Variants in CCNA1 observed in about 807,000 individuals in gnomAD.
CCNA1 encodes cyclin A1, also known as cyclin-A1.
A neutral mutation model predicts 54.1 loss-of-function variants in CCNA1; 23 were observed. The observed-to-expected ratio is 0.42, with a 90% confidence interval of 0.31 to 0.60. The LOEUF is 0.60. CCNA1 is among the 20% of genes least tolerant of loss of function. CCNA1 has a pLI of 0.14. For missense variants in CCNA1, 450 were observed against 556.7 expected, an observed-to-expected ratio of 0.81 and a Z score of 1.93; for synonymous variants, 208 against 213.9, an observed-to-expected ratio of 0.97 and a Z score of 0.24.
At chr13:36,434,484 C>T (rs775852551) in intron 2 of CCNA1, among the ~76,000 whole-genome samples, 3 of 152,222 alleles carry the variant, frequency 2.0e-5, no homozygotes, top group East Asian at 1.9e-4. Flanking sequence ...TAAAACTTAA[C>T]GCCTGAGACT....
At position 36,437,611 on chromosome 13, in the gene CCNA1, G is replaced by T; in HGVS notation, c.298-18G>T. 1 of 1,612,430 alleles carries T rather than the reference G, an allele frequency of 6.2e-7. No individual in the cohort carries two copies. Among genetic ancestry groups the T allele is most frequent in the Non-Finnish European group, 8.5e-7 (1 of 1,179,294 alleles). On this transcript the variant is annotated intron_variant, in intron 2 of 8. Transcript: ENST00000255465. ...GTCTTTGACGTGGCCTCTAACAAAA[G>T]ATTTAAACGTTTTTTAGGGGATCAC...
Position 36,433,419 on chromosome 13 carries a change from T to G in CCNA1, c.297+198T>G, listed in dbSNP as rs71423153. Among the ~76,000 whole-genome samples the G allele has an allele frequency of 5.1e-3, 609 of 119,366 alleles. 15 individuals are homozygous for G. Among genetic ancestry groups the G allele is most frequent in the African/African-American group, 0.019 (575 of 29,584 alleles). 78.3% of individuals were successfully genotyped at this position (119,366 alleles called of 152,430 possible). A position where few individuals can be genotyped will look rare whatever the true frequency, so the allele number is the denominator to read the frequency against. Reference sequence around the variant, plus strand: ...CTTTCTTTCTTTCTTTCTTTCTTTCTTTCTTTCTTTCTTTCTTTCTTTCGT... The same window carrying G: ...CTTTCTTTCTTTCTTTCTTTCTTTCGTTCTTTCTTTCTTTCTTTCTTTCGT... On this transcript the variant is annotated intron_variant, in intron 2 of 8. Transcript: ENST00000255465.
intron 2 of CCNA1, among the ~76,000 whole-genome samples, chr13:36,436,480 G>A (rs1448832162): frequency 6.6e-6 from 1 of 152,178 alleles, no homozygotes; most frequent in African/African-American, 2.4e-5. Context: ...TTCTGGGCAC[G>A]AGAAAAGCTT....
At chr13:36,433,574 T>C (rs1429384862) in intron 2 of CCNA1, among the ~76,000 whole-genome samples, 2 of 144,674 alleles carry the variant, frequency 1.4e-5, no homozygotes, top group Non-Finnish European at 3.0e-5. Flanking sequence ...GGAGTTTCGC[T>C]CTTGTCGCCA....
At position 36,437,870 on chromosome 13, in the gene CCNA1, A is replaced by C; in HGVS notation, c.539A>C (p.Asn180Thr). ...GACCTGCACTTCCTGCTGGATTTCA[A>C]CACAGGTAACTGACTTGCCTATGGT... The change falls in exon 3 of 9, where the codon AAC (asparagine) becomes ACC (threonine). Residue 180 changes from asparagine to threonine, a missense_variant. Physicochemically the swap from Asn to Thr is moderately conservative, Grantham distance 65 (BLOSUM62 0). Coordinates refer to ENST00000255465, the MANE Select transcript of CCNA1 (RefSeq NM_003914.4). 6.2e-7 allele frequency: 1 copy of C among 1,613,260 alleles called. No individual in the cohort carries two copies. The highest frequency in any genetic ancestry group is 1.1e-5 in the South Asian group (1 of 90,970).
chr13:36,438,521 T>C, intron 4 of CCNA1, 123 bp from the exon 5 acceptor site: 1 of 713,750 alleles, frequency 1.4e-6, no homozygotes, highest in Admixed American at 2.9e-5. Context: ...ATGATAAAGA[T>C]TTATTTGGCT....
chr13:36,435,527 C>T (rs907852437), intron 2 of CCNA1, among the ~76,000 whole-genome samples: 3 of 152,200 alleles, frequency 2.0e-5, no homozygotes, highest in Admixed American at 6.5e-5. Context: ...TCTCATTCAG[C>T]TTGTAGAACA....
At chr13:36,432,878 A>G in intron 1 of CCNA1, 149 bp downstream of exon 1, 1 of 958,632 alleles carries the variant, frequency 1.0e-6, no homozygotes, top group South Asian at 1.5e-5. Flanking sequence ...GTGCGGTCGC[A>G]CCTGCCCTTT....
At position 36,437,705 on chromosome 13, in the gene CCNA1, G is replaced by A. The variant is rs1691587855; in HGVS notation, c.374G>A (p.Cys125Tyr). The A allele has an allele frequency of 1.9e-6, 3 of 1,613,774 alleles. No homozygotes were observed. The highest frequency in any genetic ancestry group is 3.3e-5 in the Admixed American group (2 of 59,998). The change falls in exon 3 of 9, where the codon TGT (cysteine) becomes TAT (tyrosine). Residue 125 changes from cysteine (C) to tyrosine (Y), a missense_variant. Transcript: ENST00000255465. ...GCTGGAAAGAAAGCACTCCCTGACTGTGGGGTCCAAGAGCCCCCCAAGCAA... is the reference window on the plus strand; with the variant it reads ...GCTGGAAAGAAAGCACTCCCTGACTATGGGGTCCAAGAGCCCCCCAAGCAA...
chr13:36,431,850 G>A (rs1244771984), upstream of CCNA1: 1 of 152,674 alleles, frequency 6.5e-6, no homozygotes, highest in Non-Finnish European at 1.5e-5. Context: ...GCGCAGCCCC[G>A]AGGACCCCGC....
chr13:36,433,295 C>G (rs895390273), intron 2 of CCNA1, 74 bp downstream of exon 2: 3 of 1,245,734 alleles, frequency 2.4e-6, no homozygotes, highest in Non-Finnish European at 3.4e-6. Flanking sequence ...GTGCTTTTCT[C>G]TTGCCCTTGT....
At chr13:36,439,205 A>T (rs919020511) in intron 5 of CCNA1, among the ~76,000 whole-genome samples, 6 of 152,358 alleles carry the variant, frequency 3.9e-5, no homozygotes, top group African/African-American at 1.4e-4. Context: ...GTGTGGTTAC[A>T]AAAAGCTATC....
chr13:36,441,501 G>C (rs17053960), intron 7 of CCNA1, among the ~76,000 whole-genome samples: 1 of 152,120 alleles, frequency 6.6e-6, no homozygotes, highest in Non-Finnish European at 1.5e-5. Context: ...ATTCAGGGAG[G>C]GCCCTTGAGG....
chr13:36,433,560 A>G (rs141626168), intron 2 of CCNA1, among the ~76,000 whole-genome samples: 19 of 79,072 alleles, frequency 2.4e-4, no homozygotes, highest in Admixed American at 3.5e-4. Flanking sequence ...TTTTTTTTTG[A>G]GACGGAGTTT....
At chr13:36,433,463 C>G (rs1198382918) in intron 2 of CCNA1, among the ~76,000 whole-genome samples, 4 of 116,394 alleles carry the variant, frequency 3.4e-5, no homozygotes, top group African/African-American at 1.3e-4. Context: ...TCTTTCTTTT[C>G]TTTCTCTTTC....
chr13:36,441,366 G>T lies in CCNA1; in HGVS notation c.1212+135G>T, dbSNP rs527884277. The T allele has an allele frequency of 2.9e-5, 17 of 581,194 alleles. 1 individual carries two copies. The highest frequency in any genetic ancestry group is 2.8e-4 in the African/African-American group (15 of 53,404). 36.0% of individuals were successfully genotyped at this position (581,194 alleles called of 1,614,324 possible). ...CACAACATGCCACTGAGTCTTCCAG[G>T]TCAGTCATGATGGCTTTGACTCAAT... On this transcript the variant is annotated intron_variant, in intron 7 of 8. Coordinates refer to ENST00000255465, the MANE Select transcript of CCNA1 (RefSeq NM_003914.4).
chr13:36,433,418 CTTT>C lies in CCNA1; in HGVS notation c.297+198_297+200del, dbSNP rs1197837448. 3.3e-5 allele frequency among the ~76,000 whole-genome samples: 4 copies of C among 119,616 alleles called. 1 individual carries two copies. The highest frequency in any genetic ancestry group is 1.3e-4 in the African/African-American group (4 of 30,758). The allele number at this position is 119,616 out of a possible 152,430, so 78.5% of individuals were successfully genotyped here. Reference sequence around the variant, plus strand: ...TCTTTCTTTCTTTCTTTCTTTCTTTCTTTCTTTCTTTCTTTCTTTCTTTCGTTC... The same window carrying C: ...TCTTTCTTTCTTTCTTTCTTTCTTTCCTTTCTTTCTTTCTTTCTTTCGTTC... On this transcript the variant is annotated intron_variant, in intron 2 of 8. Transcript: ENST00000255465.
At chr13:36,433,383 TTTCTTTCTTTC>T (rs2055745965) in intron 2 of CCNA1, among the ~76,000 whole-genome samples, 162 bp downstream of exon 2, 1 of 58,822 alleles carries the variant, frequency 1.7e-5, no homozygotes, top group Non-Finnish European at 3.1e-5. Flanking sequence ...TCTTTCTTTC[TTTCTTTCTTTC>T]TTTCTTTCTT....
intron 1 of CCNA1, 56 bp from the exon 2 acceptor site, chr13:36,432,977 A>T (rs771424528): frequency 8.3e-5 from 128 of 1,534,064 alleles, no homozygotes; most frequent in Non-Finnish European, 1.1e-4. Context: ...GTGTCCTTGG[A>T]GCCCGGGGTG....
Sources: allele counts gnomAD v4.1 joint callset (sites outside exome capture counted in the v4.1 genomes callset), GRCh38; gene constraint gnomAD v4.1.1; transcripts MANE v1.5; gene names NCBI Gene and HGNC (gene_info 2026-07-23, HGNC 2026-07-21).